Variants in TRIM24 observed in about 807,000 individuals in gnomAD.
TRIM24 encodes the protein tripartite motif containing 24, also known as transcription intermediary factor 1-alpha.
In TRIM24, 29 loss-of-function variants were observed where a neutral mutation model predicts 123.9. The observed-to-expected ratio is 0.23, with a 90% CI of 0.17 to 0.32. The LOEUF is 0.32. Ranked by LOEUF, TRIM24 falls within the 10% of genes least tolerant of loss-of-function variation. TRIM24 has a pLI of 1.00. For missense variants in TRIM24, 932 were observed against 1,295.3 expected (o/e 0.72, Z 4.31); for synonymous variants, 456 against 461.1 (o/e 0.99, Z 0.14).
At position 138,460,863 on chromosome 7, in the gene TRIM24, C is replaced by T; in HGVS notation, c.315C>T (p.Val105=). 1.3e-6 allele frequency: 2 copies of T among 1,550,422 alleles called. No homozygotes were observed. Among genetic ancestry groups the T allele is most frequent in the Non-Finnish European group, 1.7e-6 (2 of 1,157,508 alleles). Residue 105 remains valine, a synonymous_variant, in exon 1 of 19, where the codon GTC becomes GTT. Coordinates refer to ENST00000343526, the MANE Select transcript of TRIM24 (RefSeq NM_015905.3). Reference sequence around the variant, plus strand: ...GCTCGGCCGAGACCCCGCCACCCGTCCCTGCCCCCGGCTCGCCGGTCAGCG... The same window carrying T: ...GCTCGGCCGAGACCCCGCCACCCGTTCCTGCCCCCGGCTCGCCGGTCAGCG... ...MLGSAETPPP[V]PAPGSPVSGS... is the part of the protein sequence containing the mutation.
intron 14 of TRIM24, among the ~76,000 whole-genome samples, chr7:138,578,532 TTG>T (rs142839380): frequency 0.17 from 24,895 of 146,610 alleles, 2,356 homozygotes; most frequent in African/African-American, 0.27. Context: ...GGTGGTGGTT[TTG>T]TGTGTGTGTG....
intron 14 of TRIM24, 146 bp from the exon 15 acceptor site, chr7:138,579,058 G>T: frequency 1.7e-6 from 1 of 577,846 alleles, no homozygotes; most frequent in Non-Finnish European, 2.9e-6. Flanking sequence ...TGTCTTCTAA[G>T]CCAGTTAGCA....
intron 13 of TRIM24, among the ~76,000 whole-genome samples, chr7:138,576,979 T>C (rs1563066902): frequency 6.6e-6 from 1 of 152,208 alleles, no homozygotes; most frequent in East Asian, 1.9e-4. Flanking sequence ...CATGAGAACA[T>C]AGTGAATCTC....
Position 138,464,829 on chromosome 7 carries a change from G to A in TRIM24, c.364+3917G>A, listed in dbSNP as rs186095735. 3.9e-5 allele frequency among the ~76,000 whole-genome samples: 6 copies of A among 152,128 alleles called. 1 individual carries two copies. The highest frequency in any genetic ancestry group is 2.0e-4 in the Admixed American group (3 of 15,276). ...ACCTAAAAAAAATTTAGATTTTTAG[G>A]CCCCTCCCTCCTGAAAATCTGATTC... On this transcript the variant is annotated intron_variant, in intron 1 of 18. Coordinates refer to ENST00000343526, the MANE Select transcript of TRIM24 (RefSeq NM_015905.3).
intron 3 of TRIM24, among the ~76,000 whole-genome samples, chr7:138,517,741 T>C (rs1242089878): frequency 6.6e-6 from 1 of 152,164 alleles, no homozygotes; most frequent in Non-Finnish European, 1.5e-5. Context: ...TCTTTATCGT[T>C]GGGGACTGAT....
rs1797203610 is a variant in TRIM24 at position 138,551,154 on chromosome 7, T to G, written c.1235T>G (p.Phe412Cys). ...ATCCAATTTCACTGTGATCCTAGTT[T>G]CTGGGCTCAAAATATCATCAACTTA... Reference protein sequence around the residue: ...NTIQFHCDPSFWAQNIINLGS... With the variant: ...NTIQFHCDPSCWAQNIINLGS... The change falls in exon 8 of 19, where the codon TTC becomes TGC. Residue 412 changes from phenylalanine to cysteine, a missense_variant. Transcript: ENST00000343526. The G allele has an allele frequency of 1.2e-6, 2 of 1,613,658 alleles. No homozygotes were observed. The highest frequency in any genetic ancestry group is 1.6e-4 in the Middle Eastern group (1 of 6,084).
intron 12 of TRIM24, among the ~76,000 whole-genome samples, chr7:138,573,999 T>C (rs1797708240): frequency 6.6e-6 from 1 of 152,168 alleles, no homozygotes; most frequent in African/African-American, 2.4e-5. Flanking sequence ...CTTGAACTTC[T>C]GGCCTTAAGC....
At position 138,560,281 on chromosome 7, in the gene TRIM24, C is replaced by T. The variant is rs78412080; in HGVS notation, c.1530+5315C>T. ...AGCCTTGCTAGATCTTGAGCTATTT[C>T]GGCTACAAATGCTGGACCATTGTCT... On this transcript the variant is annotated intron_variant, in intron 9 of 18. Coordinates refer to ENST00000343526, the MANE Select transcript of TRIM24 (RefSeq NM_015905.3). 7.2e-3 allele frequency among the ~76,000 whole-genome samples: 1,098 copies of T among 152,150 alleles called. 13 individuals are homozygous for T. Among genetic ancestry groups the T allele is most frequent in the South Asian group, 0.045 (218 of 4,832 alleles).
chr7:138,510,495 C>T (rs999822167), intron 2 of TRIM24, among the ~76,000 whole-genome samples: 2 of 152,098 alleles, frequency 1.3e-5, no homozygotes, highest in Admixed American at 6.6e-5. Flanking sequence ...GATCTTGGCT[C>T]ACTGCAACCT....
At chr7:138,463,988 A>ATTTTTTTTTTT (rs1359459460) in intron 1 of TRIM24, among the ~76,000 whole-genome samples, 5 of 32,114 alleles carry the variant, frequency 1.6e-4, no homozygotes, top group Non-Finnish European at 2.7e-4. Flanking sequence ...AAAAATTTAG[A>ATTTTTTTTTTT]CTTTTTTTTT....
At chr7:138,567,313 T>C (rs1209277085) in intron 9 of TRIM24, among the ~76,000 whole-genome samples, 168 bp from the exon 10 acceptor site, 7 of 152,154 alleles carry the variant, frequency 4.6e-5, no homozygotes, top group Non-Finnish European at 5.9e-5. Flanking sequence ...TTACACAAAT[T>C]CTGAAAGTCT....
chr7:138,492,984 G>T (rs1253285582), intron 1 of TRIM24, among the ~76,000 whole-genome samples: 1 of 151,834 alleles, frequency 6.6e-6, no homozygotes, highest in Non-Finnish European at 1.5e-5. Flanking sequence ...CTTCAAGTTT[G>T]CTGTTTCTTC....
chr7:138,461,449 G>A (rs989014799), intron 1 of TRIM24: 2 of 346,542 alleles, frequency 5.8e-6, no homozygotes, highest in African/African-American at 2.2e-5. Context: ...CATGTTTGGG[G>A]CTCTTTACCT....
chr7:138,512,733 T>C (rs1796316345), intron 2 of TRIM24, among the ~76,000 whole-genome samples: 1 of 152,108 alleles, frequency 6.6e-6, no homozygotes, highest in Admixed American at 6.6e-5. Context: ...TCAGTCCTTC[T>C]AGGCCTCTGG....
intron 2 of TRIM24, among the ~76,000 whole-genome samples, chr7:138,506,087 T>C (rs1424129661): frequency 6.6e-6 from 1 of 152,244 alleles, no homozygotes; most frequent in East Asian, 1.9e-4. Flanking sequence ...GTTGAATTTT[T>C]AGTTTTTTGT....
chr7:138,509,294 GA>G (rs1043570355), intron 2 of TRIM24, among the ~76,000 whole-genome samples: 30 of 147,620 alleles, frequency 2.0e-4, no homozygotes, highest in Non-Finnish European at 3.6e-4. Flanking sequence ...TTTTCTCTAG[GA>G]AAAAAAAGTT....
At chr7:138,527,219 T>A (rs1217199678) in intron 5 of TRIM24, among the ~76,000 whole-genome samples, 1 of 152,206 alleles carries the variant, frequency 6.6e-6, no homozygotes, top group East Asian at 1.9e-4. Context: ...TGTAGTTTTT[T>A]ATAGTAAGTC....
intron 7 of TRIM24, among the ~76,000 whole-genome samples, chr7:138,543,831 G>T (rs1457111189): frequency 1.3e-5 from 2 of 151,510 alleles, no homozygotes; most frequent in African/African-American, 4.9e-5. Context: ...TTGGTTTTCT[G>T]TTTTTTTTGT....
At chr7:138,536,599 G>A (rs575923717) in intron 6 of TRIM24, among the ~76,000 whole-genome samples, 11 of 152,318 alleles carry the variant, frequency 7.2e-5, no homozygotes, top group South Asian at 2.1e-4. Context: ...AGGGGTACCC[G>A]GCTGTGTGAG....
Sources: gnomAD v4.1 joint callset for allele counts (sites outside exome capture counted in the v4.1 genomes callset) on GRCh38, gnomAD v4.1.1 for gene constraint, MANE v1.5 for transcripts, NCBI Gene and HGNC (gene_info 2026-07-23, HGNC 2026-07-21) for gene names.